Variants in COL19A1 observed in about 807,000 individuals in gnomAD.
COL19A1 encodes collagen alpha-1(XIX) chain.
Under a neutral mutation model 190.2 loss-of-function variants are expected in COL19A1, and 159 were observed. The observed-to-expected ratio is 0.84, with a 90% CI of 0.73 to 0.95. COL19A1 has a LOEUF of 0.95. COL19A1 is among the 40% of genes least tolerant of loss of function. COL19A1 has a pLI of 0.00. For missense variants in COL19A1, 1,418 were observed against 1,431.9 expected, an observed-to-expected ratio of 0.99 and a Z score of 0.16; for synonymous variants, 509 against 458.9, an observed-to-expected ratio of 1.11 and a Z score of -1.39.
At chr6:70,179,018 C>T (rs1305714055) in intron 42 of COL19A1, among the ~76,000 whole-genome samples, 1 of 152,012 alleles carries the variant, frequency 6.6e-6, no homozygotes, top group South Asian at 2.1e-4. Flanking sequence ...TCTCAAGGCC[C>T]GAGCCCTCTA....
At chr6:70,153,962 CATTTTTTTTATGTACTTTAAGT>C (rs1787263753) in intron 31 of COL19A1, among the ~76,000 whole-genome samples, 1 of 152,030 alleles carries the variant, frequency 6.6e-6, no homozygotes, top group African/African-American at 2.4e-5. Context: ...TTTCACCCAG[CATTTTTTTTATGTACTTTAAGT>C]TCTGGGGTAC....
At chr6:70,045,106 A>G (rs1461211210) in intron 14 of COL19A1, among the ~76,000 whole-genome samples, 1 of 151,936 alleles carries the variant, frequency 6.6e-6, no homozygotes, top group Non-Finnish European at 1.5e-5. Context: ...TGAGGTTGGG[A>G]GTTTGAGACC....
chr6:70,160,014 T>C (rs1787695301), intron 34 of COL19A1, among the ~76,000 whole-genome samples: 3 of 152,106 alleles, frequency 2.0e-5, no homozygotes, highest in African/African-American at 4.8e-5. Context: ...AATACAAAAA[T>C]GCACTAAAAG....
At chr6:69,886,303 A>G (rs968460000) in intron 2 of COL19A1, among the ~76,000 whole-genome samples, 2 of 152,348 alleles carry the variant, frequency 1.3e-5, no homozygotes, top group Admixed American at 6.5e-5. Context: ...CTATAAGGAT[A>G]GCTATTATCA....
intron 40 of COL19A1, among the ~76,000 whole-genome samples, 193 bp downstream of exon 40, chr6:70,168,874 A>G (rs1765329442): frequency 6.6e-6 from 1 of 152,182 alleles, no homozygotes. Context: ...TGATGTTGTC[A>G]CTGCCCTTGA....
Position 70,143,896 on chromosome 6 carries a change from A to G in COL19A1, c.1627-314A>G, listed in dbSNP as rs538874468. On this transcript the variant is annotated intron_variant, in intron 23 of 50. Transcript: ENST00000620364. ...AAAAATATATTTTTCTAGTTGCCCT[A>G]GAGTTCTTTGGAATCATTATGTGAT... 1.5e-3 allele frequency among the ~76,000 whole-genome samples: 234 copies of G among 152,198 alleles called. 1 individual carries two copies. The highest frequency in any genetic ancestry group is 2.4e-3 in the Non-Finnish European group (165 of 67,998).
rs1455314882 is a variant in COL19A1 at position 70,212,264 on chromosome 6, C to T, written c.*4990C>T. On this transcript the variant is annotated 3_prime_UTR_variant, in exon 51 of 51. Coordinates refer to ENST00000620364, the MANE Select transcript of COL19A1 (RefSeq NM_001858.6). The stretch of plus-strand genomic sequence containing the variant: ...TAAATAACATTTAGGGTGTGTTTTC[C>T]CCCATTTTGTTTGTTCTCTATCTTA... 6.6e-6 allele frequency among the ~76,000 whole-genome samples: 1 copy of T among 151,778 alleles called. No individual in the cohort carries two copies. Among genetic ancestry groups the T allele is most frequent in the Non-Finnish European group, 1.5e-5 (1 of 67,946 alleles).
At chr6:70,080,500 G>A (rs1250894246) in intron 15 of COL19A1, among the ~76,000 whole-genome samples, 2 of 152,116 alleles carry the variant, frequency 1.3e-5, no homozygotes, top group Non-Finnish European at 2.9e-5. Flanking sequence ...TCTTACAAGA[G>A]CATTTCTGTT....
At chr6:69,977,923 A>G (rs1775810222) in intron 11 of COL19A1, among the ~76,000 whole-genome samples, 1 of 152,222 alleles carries the variant, frequency 6.6e-6, no homozygotes. Context: ...ACCTGCTAAT[A>G]AATGGCCATG....
chr6:69,878,464 C>T (rs1309268652), intron 1 of COL19A1, among the ~76,000 whole-genome samples: 2 of 151,980 alleles, frequency 1.3e-5, no homozygotes, highest in South Asian at 2.1e-4. Context: ...TCGCCCGCCT[C>T]GGCCTTCCAA....
At chr6:70,103,492 A>G (rs1454878032) in intron 16 of COL19A1, among the ~76,000 whole-genome samples, 2 of 152,142 alleles carry the variant, frequency 1.3e-5, no homozygotes, top group African/African-American at 4.8e-5. Context: ...TTCAAGAAAG[A>G]TGGATTCCAC....
intron 48 of COL19A1, among the ~76,000 whole-genome samples, chr6:70,192,674 G>T (rs918630841): frequency 2.0e-5 from 3 of 152,126 alleles, no homozygotes; most frequent in Non-Finnish European, 4.4e-5. Flanking sequence ...ATAATTTGCG[G>T]TGTTCAGTGC....
chr6:69,961,402 C>G (rs1774790494), intron 10 of COL19A1, among the ~76,000 whole-genome samples: 1 of 152,198 alleles, frequency 6.6e-6, no homozygotes, highest in Non-Finnish European at 1.5e-5. Context: ...ATCTGCGAGT[C>G]AAGTTGCAAG....
At chr6:70,156,645 C>A (rs755667065) in intron 33 of COL19A1, 25 bp from the exon 34 acceptor site, 1 of 1,609,294 alleles carries the variant, frequency 6.2e-7, no homozygotes, top group Non-Finnish European at 8.5e-7. Flanking sequence ...ATTGCATGTG[C>A]TAGCTGAATG....
intron 48 of COL19A1, among the ~76,000 whole-genome samples, chr6:70,193,242 T>C (rs1766992394): frequency 1.3e-5 from 2 of 152,182 alleles, no homozygotes; most frequent in Non-Finnish European, 2.9e-5. Flanking sequence ...TGGGGAAGGC[T>C]CCGTCCTGCC....
chr6:70,098,371 G>T, intron 15 of COL19A1: 1 of 500,008 alleles, frequency 2.0e-6, no homozygotes, highest in South Asian at 1.5e-5. Context: ...TTTATTGTGT[G>T]ACTAATCATT....
At chr6:70,028,121 C>A (rs1476571758) in intron 12 of COL19A1, among the ~76,000 whole-genome samples, 1 of 152,000 alleles carries the variant, frequency 6.6e-6, no homozygotes, top group African/African-American at 2.4e-5. Context: ...AATGAACTGA[C>A]AATGGACAGA....
intron 48 of COL19A1, among the ~76,000 whole-genome samples, chr6:70,192,863 C>T (rs1209158922): frequency 6.6e-6 from 1 of 152,162 alleles, no homozygotes; most frequent in Non-Finnish European, 1.5e-5. Flanking sequence ...TGACCTCAAC[C>T]ATGAAAAGAG....
intron 20 of COL19A1, 23 bp from the exon 21 acceptor site, chr6:70,141,870 T>C (rs2150234897): frequency 6.8e-7 from 1 of 1,479,496 alleles, no homozygotes; most frequent in Non-Finnish European, 9.4e-7. Context: ...GCATTACCCT[T>C]ATAGTAATTA....
Sources: gnomAD v4.1 joint callset for allele counts (sites outside exome capture counted in the v4.1 genomes callset) on GRCh38, gnomAD v4.1.1 for gene constraint, MANE v1.5 for transcripts, NCBI Gene and HGNC (gene_info 2026-07-23, HGNC 2026-07-21) for gene names.